DEK: variants seen among roughly 807,000 people sequenced by gnomAD.
The protein encoded by DEK is DEK proto-oncogene.
Under a neutral mutation model 46.8 loss-of-function variants are expected in DEK, and 28 were observed. The observed-to-expected ratio is 0.60, with a 90% CI of 0.44 to 0.82. DEK has a LOEUF of 0.82. Ranked by LOEUF, DEK falls within the 40% of genes least tolerant of loss-of-function variation. The pLI is 0.00. For synonymous variants in DEK, 160 were observed against 144.5 expected (o/e 1.11, Z -0.77); for missense variants, 416 against 430.6 (o/e 0.97, Z 0.30).
chr6:18,240,416 G>T (rs1248639502), intron 7 of DEK, among the ~76,000 whole-genome samples: 1 of 152,180 alleles, frequency 6.6e-6, no homozygotes, highest in Non-Finnish European at 1.5e-5. Context: ...GCAGCAAGCT[G>T]CCTGGTTTCA....
In DEK at chr6:18,237,319, G is replaced by A. The variant is rs981370133; in HGVS notation, c.898+62C>T. ...TTTCTCCCACACACTTAAATACTAT[G>A]TACAACATATTAATATATGCTATAT... On this transcript the variant is annotated intron_variant, in intron 8 of 10. Transcript: ENST00000652689. The A allele has an allele frequency of 5.2e-6, 8 of 1,533,716 alleles. No individual in the cohort carries two copies. The Admixed American group carries it at 8.6e-5, about 17-fold the overall frequency.
intron 7 of DEK, among the ~76,000 whole-genome samples, chr6:18,237,860 C>CTTTTTTTTTTTTTT (rs60332682): frequency 5.7e-5 from 5 of 88,472 alleles, no homozygotes; most frequent in Non-Finnish European, 1.1e-4. Context: ...CAACTGGAAT[C>CTTTTTTTTTTTTTT]TTTTTTTTTT....
At chr6:18,257,720 GAAAGAAAAAAAAAAGAA>G (rs1487589891) in intron 4 of DEK, among the ~76,000 whole-genome samples, 1 of 146,818 alleles carries the variant, frequency 6.8e-6, no homozygotes, top group Non-Finnish European at 1.5e-5. Context: ...TGTCTTAAAA[GAAAGAAAAAAAAAAGAA>G]AAAGAAAAAG....
At chr6:18,228,015 T>C (rs1014536733) in intron 9 of DEK, among the ~76,000 whole-genome samples, 1 of 152,170 alleles carries the variant, frequency 6.6e-6, no homozygotes, top group African/African-American at 2.4e-5. Context: ...TTTTGTCAAT[T>C]TTCTCAGTCC....
At chr6:18,251,168 T>C (rs1322364625) in intron 6 of DEK, among the ~76,000 whole-genome samples, 1 of 152,214 alleles carries the variant, frequency 6.6e-6, no homozygotes, top group Non-Finnish European at 1.5e-5. Context: ...AGAATTAATA[T>C]TTATTTCTGG....
In DEK at chr6:18,258,263, C is replaced by T. The variant is rs780827592; in HGVS notation, c.247+41G>A. On this transcript the variant is annotated intron_variant, in intron 3 of 10. Coordinates refer to ENST00000652689, the MANE Select transcript of DEK (RefSeq NM_003472.4). The stretch of plus-strand genomic sequence containing the variant: ...AAACCATCATTTTCACAAATTTAGG[C>T]ACTTTCACCACAAAATGAAAGGAAG... 20 of 1,517,416 alleles carry T rather than the reference C, an allele frequency of 1.3e-5. No individual in the cohort carries two copies. The African/African-American group carries it at 2.5e-4, about 19-fold the overall frequency. The allele number at this position is 1,517,416 out of a possible 1,614,324, so 94.0% of individuals were successfully genotyped here.
chr6:18,246,104 C>T (rs1479477139), intron 7 of DEK, among the ~76,000 whole-genome samples: 4 of 152,178 alleles, frequency 2.6e-5, no homozygotes, highest in East Asian at 1.9e-4. Flanking sequence ...TTATTAACAG[C>T]GTGAGAAAGG....
chr6:18,236,364 T>A, intron 9 of DEK, 88 bp downstream of exon 9: 2 of 1,388,290 alleles, frequency 1.4e-6, no homozygotes, highest in South Asian at 2.5e-5. Flanking sequence ...AATAAGTGAA[T>A]GCACGTAAGT....
At chr6:18,237,229 C>A in intron 8 of DEK, 152 bp downstream of exon 8, 1 of 844,592 alleles carries the variant, frequency 1.2e-6, no homozygotes, top group Non-Finnish European at 1.7e-6. Context: ...CTGTCCCAAG[C>A]ATTTCAGATA....
intron 9 of DEK, among the ~76,000 whole-genome samples, chr6:18,233,513 C>T (rs544323442): frequency 3.3e-4 from 51 of 152,276 alleles, no homozygotes; most frequent in African/African-American, 1.2e-3. Flanking sequence ...AAAAATCAAA[C>T]AACCCCATCA....
At chr6:18,226,420 G>C (rs1358089749) in intron 9 of DEK, among the ~76,000 whole-genome samples, 178 bp from the exon 10 acceptor site, 2 of 152,154 alleles carry the variant, frequency 1.3e-5, no homozygotes, top group Non-Finnish European at 2.9e-5. Context: ...TATTGTATAT[G>C]ATGTGGAAAA....
chr6:18,256,511 T>A lies in DEK; in HGVS notation c.358-56A>T, dbSNP rs148080971. 61 of 1,447,196 alleles carry A rather than the reference T, an allele frequency of 4.2e-5. 1 individual carries two copies. In the African/African-American group the frequency reaches 7.7e-4, roughly 18 times the overall value. The allele number at this position is 1,447,196 out of a possible 1,614,324, so 89.6% of individuals were successfully genotyped here. On this transcript the variant is annotated intron_variant, in intron 4 of 10. Transcript: ENST00000652689. ...TATTACCCAGTAATGTACACAAGAA[T>A]AAATTCAAAGCCAATTCAAAGTCAA...
At chr6:18,251,550 G>A (rs1019623008) in intron 6 of DEK, among the ~76,000 whole-genome samples, 6 of 152,186 alleles carry the variant, frequency 3.9e-5, no homozygotes, top group African/African-American at 7.2e-5. Context: ...CTTGAAGTTG[G>A]TGGATCAAAG....
At chr6:18,231,999 C>G (rs1790434938) in intron 9 of DEK, among the ~76,000 whole-genome samples, 1 of 152,124 alleles carries the variant, frequency 6.6e-6, no homozygotes, top group African/African-American at 2.4e-5. Flanking sequence ...AGCAGCAAAT[C>G]AAAAACCTTA....
intron 6 of DEK, among the ~76,000 whole-genome samples, chr6:18,253,408 A>G (rs971462043): frequency 6.6e-6 from 1 of 152,226 alleles, no homozygotes; most frequent in Non-Finnish European, 1.5e-5. Flanking sequence ...AGGCCTAAGT[A>G]ATTTTTCTGA....
Position 18,225,612 on chromosome 6 carries a change from T to C in DEK, c.*107A>G. ...AGGTCAGCAGTAAGTTCTACTAACG[T>C]TGCTTAACAAGGATTTAGAAAAGGA... On this transcript the variant is annotated 3_prime_UTR_variant, in exon 11 of 11. Coordinates refer to ENST00000652689, the MANE Select transcript of DEK (RefSeq NM_003472.4). The C allele has an allele frequency of 2.3e-6, 3 of 1,306,506 alleles. No homozygotes were observed. Among genetic ancestry groups the C allele is most frequent in the Non-Finnish European group, 3.2e-6 (3 of 946,476 alleles). 80.9% of individuals were successfully genotyped at this position (1,306,506 alleles called of 1,614,324 possible).
At chr6:18,259,430 A>AAAAAAAAAAAAAAAAAAAAAAAAAAAAAT (rs1554162685) in intron 2 of DEK, among the ~76,000 whole-genome samples, 3 of 96,740 alleles carry the variant, frequency 3.1e-5, no homozygotes, top group Non-Finnish European at 7.1e-5. Context: ...AAAAAAAAAA[A>AAAAAAAAAAAAAAAAAAAAAAAAAAAAAT]AAATCTAGAA....
At chr6:18,255,586 A>T in intron 6 of DEK, 145 bp downstream of exon 6, 1 of 945,294 alleles carries the variant, frequency 1.1e-6, no homozygotes, top group Non-Finnish European at 1.5e-6. Flanking sequence ...TCAGGAAATT[A>T]CTGCAGATAC....
chr6:18,258,116 C>A, intron 3 of DEK, 54 bp from the exon 4 acceptor site: 1 of 1,304,394 alleles, frequency 7.7e-7, no homozygotes, highest in Non-Finnish European at 1.1e-6. Context: ...AATACATTTA[C>A]AAAGTTAATT....
Sources: gnomAD v4.1 joint callset for allele counts (sites outside exome capture counted in the v4.1 genomes callset) on GRCh38, gnomAD v4.1.1 for gene constraint, MANE v1.5 for transcripts, NCBI Gene and HGNC (gene_info 2026-07-23, HGNC 2026-07-21) for gene names.